Variants in ACSM1 observed in about 807,000 individuals in gnomAD.
The protein encoded by ACSM1 is acyl-coenzyme A synthetase ACSM1, mitochondrial.
A neutral mutation model predicts 75.8 loss-of-function variants in ACSM1; 79 were observed. The observed-to-expected ratio is 1.04, with a 90% CI of 0.87 to 1.26. The LOEUF is 1.26. Ranked by LOEUF, ACSM1 falls within the 50% of genes most tolerant of loss-of-function variation. The pLI is 0.00. For missense variants in ACSM1, 676 were observed against 720.1 expected (o/e 0.94, Z 0.70); for synonymous variants, 279 against 265.8 (o/e 1.05, Z -0.48).
At chr16:20,691,751 A>ATGTGTGTGTGTGTGTG (rs59929923) in intron 1 of ACSM1, among the ~76,000 whole-genome samples, 3 of 134,106 alleles carry the variant, frequency 2.2e-5, no homozygotes, top group South Asian at 5.0e-4. Context: ...TACCTCTCCA[A>ATGTGTGTGTGTGTGTG]TGTGTGTGTG....
At position 20,691,236 on chromosome 16, in the gene ACSM1, C is replaced by A; in HGVS notation, c.-48G>T. On this transcript the variant is annotated 5_prime_UTR_variant, in exon 2 of 14. The change creates a new upstream start codon in the 5' untranslated region. Coordinates refer to ENST00000520010, the MANE Select transcript of ACSM1 (RefSeq NM_001318890.3). ...AGGCACAGAGTTCTCAAGTCACCAC[C>A]TGCCTTGGGAAGAGATGGCTAATAG... The A allele has an allele frequency of 1.4e-6, 2 of 1,457,546 alleles. No individual in the cohort carries two copies. The highest frequency in any genetic ancestry group is 1.8e-6 in the Non-Finnish European group (2 of 1,093,426). 90.3% of individuals were successfully genotyped at this position (1,457,546 alleles called of 1,614,324 possible).
chr16:20,670,063 C>A, intron 5 of ACSM1, 77 bp from the exon 6 acceptor site: 1 of 1,429,376 alleles, frequency 7.0e-7, no homozygotes. Context: ...TGGTTTTTAG[C>A]TACGAACCCA....
intron 10 of ACSM1, among the ~76,000 whole-genome samples, chr16:20,635,282 C>T (rs1784093962): frequency 6.6e-6 from 1 of 152,142 alleles, no homozygotes; most frequent in Non-Finnish European, 1.5e-5. Flanking sequence ...GTGGTCCCAG[C>T]TCCTTGGGAG....
Position 20,682,344 on chromosome 16 carries a change from T to C in ACSM1, c.523A>G (p.Ile175Val). Reference sequence around the variant, plus strand: ...TTCAGAGAGGGGCACTGAGAAGCTATGGAGTCCACCTCTGAGGCAAGGGCA... The same window carrying C: ...TTCAGAGAGGGGCACTGAGAAGCTACGGAGTCCACCTCTGAGGCAAGGGCA... ...IDALASEVDS[I>V]ASQCPSLKTK... Residue 175 changes from isoleucine (I) to valine (V), a missense_variant, in exon 4 of 14, where the codon ATA (isoleucine) becomes GTA (valine). Ile to Val is a conservative substitution (Grantham distance 29, BLOSUM62 3). Coordinates refer to ENST00000520010, the MANE Select transcript of ACSM1 (RefSeq NM_001318890.3). 3 of 1,614,088 alleles carry C rather than the reference T, an allele frequency of 1.9e-6. No homozygotes were observed. Among genetic ancestry groups the C allele is most frequent in the East Asian group, 2.2e-5 (1 of 44,880 alleles).
intron 7 of ACSM1, among the ~76,000 whole-genome samples, chr16:20,643,275 C>T (rs1276374454): frequency 6.6e-6 from 1 of 152,166 alleles, no homozygotes; most frequent in African/African-American, 2.4e-5. Context: ...GGTATTTAGC[C>T]CCGAATTCTA....
chr16:20,655,258 G>A (rs2018891398), intron 7 of ACSM1, among the ~76,000 whole-genome samples: 1 of 112,104 alleles, frequency 8.9e-6, no homozygotes, highest in Non-Finnish European at 1.7e-5. Flanking sequence ...TGGGGTGGGG[G>A]GAGGGGGGAG....
chr16:20,696,378 C>T (rs749719494), intron 1 of ACSM1, among the ~76,000 whole-genome samples: 1 of 152,166 alleles, frequency 6.6e-6, no homozygotes, highest in African/African-American at 2.4e-5. Flanking sequence ...TATTTCTCAC[C>T]GTGCTGGACA....
intron 6 of ACSM1, among the ~76,000 whole-genome samples, chr16:20,667,363 C>T (rs1177873095): frequency 1.3e-5 from 2 of 152,140 alleles, no homozygotes; most frequent in African/African-American, 2.4e-5. Flanking sequence ...CATAAACAGA[C>T]ACTTCTCAAA....
rs1567251884 is a variant in ACSM1 at position 20,635,624 on chromosome 16, CTTTCTTTCT to C, written c.1299+1106_1299+1114del. Among the ~76,000 whole-genome samples, 105 of 111,678 alleles carry C rather than the reference CTTTCTTTCT, an allele frequency of 9.4e-4. 1 individual carries two copies. The highest frequency in any genetic ancestry group is 1.7e-3 in the Non-Finnish European group (87 of 51,806). 73.3% of individuals were successfully genotyped at this position (111,678 alleles called of 152,430 possible). A position where few individuals can be genotyped will look rare whatever the true frequency, so the allele number is the denominator to read the frequency against. On this transcript the variant is annotated intron_variant, in intron 10 of 13. Transcript: ENST00000520010. ...TCTTTCTTTCTTTCTTTCTTTCTTT[CTTTCTTTCT>C]TTCTTTCTTTCTTTCTTTCATTTTG...
intron 7 of ACSM1, among the ~76,000 whole-genome samples, chr16:20,660,567 T>C (rs1420258269): frequency 6.6e-6 from 1 of 152,188 alleles, no homozygotes; most frequent in Non-Finnish European, 1.5e-5. Flanking sequence ...AAGGCCATCA[T>C]GTGAGGAATG....
intron 5 of ACSM1, among the ~76,000 whole-genome samples, chr16:20,670,563 C>T (rs767143032): frequency 4.6e-5 from 7 of 152,268 alleles, no homozygotes; most frequent in East Asian, 1.9e-4. Flanking sequence ...AATATCTCCC[C>T]GTTGTTTTCC....
intron 7 of ACSM1, among the ~76,000 whole-genome samples, chr16:20,642,563 G>A (rs1298010982): frequency 1.3e-5 from 2 of 152,186 alleles, no homozygotes; most frequent in Non-Finnish European, 2.9e-5. Flanking sequence ...ACAGAATATA[G>A]CTAATTGGAC....
Position 20,669,895 on chromosome 16 carries a change from G to C in ACSM1, c.844C>G (p.Pro282Ala). 6.2e-7 allele frequency: 1 copy of C among 1,613,950 alleles called. No individual in the cohort carries two copies. Among genetic ancestry groups the C allele is most frequent in the Non-Finnish European group, 8.5e-7 (1 of 1,179,918 alleles). ...IVATIWTLVEPWTAGCTVFIH... is the reference protein window; with the variant it reads ...IVATIWTLVEAWTAGCTVFIH... ...AAGACTGTACAACCCGCTGTCCATG[G>C]TTCTACCAGGGTCCAAATGGTAGCC... Residue 282 changes from proline (P) to alanine (A), a missense_variant, in exon 6 of 14, where the codon CCA (proline) becomes GCA (alanine). Coordinates refer to ENST00000520010, the MANE Select transcript of ACSM1 (RefSeq NM_001318890.3).
At chr16:20,624,554 T>C (rs1285775877) in intron 12 of ACSM1, among the ~76,000 whole-genome samples, 1 of 152,206 alleles carries the variant, frequency 6.6e-6, no homozygotes, top group Non-Finnish European at 1.5e-5. Context: ...ATTTTCATCA[T>C]CATTTTTACT....
At chr16:20,652,684 C>G (rs916489400) in intron 7 of ACSM1, among the ~76,000 whole-genome samples, 1 of 151,986 alleles carries the variant, frequency 6.6e-6, no homozygotes, top group African/African-American at 2.4e-5. Flanking sequence ...ACACAAACAC[C>G]CTCCCAAGAC....
rs1491230287 is a variant in ACSM1, at chr16:20,685,847, C to CAAAA, written c.193-448_193-445dup. On this transcript the variant is annotated intron_variant, in intron 2 of 13. Coordinates refer to ENST00000520010, the MANE Select transcript of ACSM1 (RefSeq NM_001318890.3). ...AAAAAAAAAACAAACAAAAAAAAAA[C>CAAAA]AAAAAACTTATAGCATCAGGAGAGG... Among the ~76,000 whole-genome samples the CAAAA allele has an allele frequency of 1.3e-4, 12 of 91,032 alleles. 3 individuals carry two copies. Among genetic ancestry groups the CAAAA allele is most frequent in the South Asian group, 8.2e-4 (2 of 2,452 alleles). 59.7% of individuals were successfully genotyped at this position (91,032 alleles called of 152,430 possible). A position where few individuals can be genotyped will look rare whatever the true frequency, so the allele number is the denominator to read the frequency against.
At chr16:20,627,587 T>C (rs2017028027) in intron 10 of ACSM1, among the ~76,000 whole-genome samples, 1 of 151,924 alleles carries the variant, frequency 6.6e-6, no homozygotes, top group African/African-American at 2.4e-5. Flanking sequence ...TCCCAACACT[T>C]TGGGAGGCTG....
intron 8 of ACSM1, among the ~76,000 whole-genome samples, chr16:20,638,880 G>A (rs1454674201): frequency 2.0e-5 from 3 of 152,202 alleles, no homozygotes; most frequent in Non-Finnish European, 4.4e-5. Context: ...TATTGGAGTC[G>A]TGGGTGGAGT....
intron 4 of ACSM1, among the ~76,000 whole-genome samples, chr16:20,673,344 C>T (rs900066667): frequency 4.6e-5 from 7 of 152,002 alleles, no homozygotes; most frequent in Non-Finnish European, 1.0e-4. Flanking sequence ...GCTGGTCTTG[C>T]TGTGAAATGG....
Sources: gnomAD v4.1 joint callset for allele counts (sites outside exome capture counted in the v4.1 genomes callset) on GRCh38, gnomAD v4.1.1 for gene constraint, MANE v1.5 for transcripts, NCBI Gene and HGNC (gene_info 2026-07-23, HGNC 2026-07-21) for gene names.